The following DLG2 variants were observed in gnomAD, a reference collection of about 807,000 sequenced individuals.
DLG2 encodes the protein disks large homolog 2.
DLG2 carries 45 observed loss-of-function variants against 132.5 expected under a neutral mutation model. That is an observed-to-expected ratio of 0.34 (90% CI 0.27 to 0.44). DLG2 has a LOEUF of 0.44. Ranked by LOEUF, DLG2 falls within the 20% of genes least tolerant of loss-of-function variation. The pLI, the probability that DLG2 is intolerant of heterozygous loss-of-function variation, is 1.00. For synonymous variants in DLG2, 424 were observed against 419.6 expected (o/e 1.01, Z -0.13); for missense variants, 1,045 against 1,196.9 (o/e 0.87, Z 1.87).
intron 14 of DLG2, among the ~76,000 whole-genome samples, chr11:83,941,006 T>C (rs554653360): frequency 5.9e-5 from 9 of 152,352 alleles, no homozygotes; most frequent in Admixed American, 5.9e-4. Flanking sequence ...AATTCATTCA[T>C]GAGAGACGAT....
At chr11:83,536,789 T>G (rs1474367188) in intron 20 of DLG2, among the ~76,000 whole-genome samples, 1 of 152,188 alleles carries the variant, frequency 6.6e-6, no homozygotes, top group Non-Finnish European at 1.5e-5. Context: ...TTTACCTAAT[T>G]GTGAAAACAA....
rs17808549 is a variant in DLG2 at position 84,607,321 on chromosome 11, C to T, written c.358-72590G>A. 8.1e-3 allele frequency among the ~76,000 whole-genome samples: 1,229 copies of T among 152,206 alleles called. 53 individuals carry two copies. Among genetic ancestry groups the T allele is most frequent in the Admixed American group, 0.071 (1,083 of 15,252 alleles). ...CAAGTATACAGATAGAACTTATTTC[C>T]ACGAGGCTCCAAAGTCCTTTCTTCT... On this transcript the variant is annotated intron_variant, in intron 6 of 27. Transcript: ENST00000376104.
chr11:85,392,341 T>C (rs1053387074), intron 3 of DLG2, among the ~76,000 whole-genome samples: 4 of 151,966 alleles, frequency 2.6e-5, no homozygotes, highest in African/African-American at 7.3e-5. Flanking sequence ...AGAATCAATA[T>C]TGTGAAAATG....
At chr11:84,401,823 C>G (rs1318664239) in intron 7 of DLG2, among the ~76,000 whole-genome samples, 5 of 152,154 alleles carry the variant, frequency 3.3e-5, no homozygotes, top group Non-Finnish European at 5.9e-5. Flanking sequence ...GCTGGGACTA[C>G]AGGCGCCTGC....
At chr11:84,950,953 C>G (rs978239654) in intron 6 of DLG2, among the ~76,000 whole-genome samples, 3 of 152,132 alleles carry the variant, frequency 2.0e-5, no homozygotes, top group Non-Finnish European at 4.4e-5. Context: ...TACTTTAAAT[C>G]TATTTTTACT....
chr11:84,947,362 G>A (rs1190896505), intron 6 of DLG2, among the ~76,000 whole-genome samples: 4 of 152,116 alleles, frequency 2.6e-5, no homozygotes, highest in Non-Finnish European at 5.9e-5. Context: ...TGCAGTAACT[G>A]GCTCAAAATG....
chr11:85,104,534 G>A (rs1387916978), intron 6 of DLG2, among the ~76,000 whole-genome samples: 1 of 151,746 alleles, frequency 6.6e-6, no homozygotes, highest in East Asian at 1.9e-4. Flanking sequence ...GTAGATTAGT[G>A]GTTTGTAAGA....
At chr11:84,233,890 G>A (rs191837419) in intron 8 of DLG2, among the ~76,000 whole-genome samples, 9 of 152,274 alleles carry the variant, frequency 5.9e-5, no homozygotes, top group East Asian at 3.9e-4. Context: ...CAACAAGGCC[G>A]TTTCACCAGT....
At chr11:83,737,179 T>C (rs1185969627) in intron 18 of DLG2, among the ~76,000 whole-genome samples, 3 of 152,224 alleles carry the variant, frequency 2.0e-5, no homozygotes, top group Non-Finnish European at 4.4e-5. Flanking sequence ...CAGATGCTAC[T>C]GTGATGCTGC....
intron 19 of DLG2, among the ~76,000 whole-genome samples, chr11:83,625,679 A>G (rs2062399395): frequency 6.6e-6 from 1 of 152,166 alleles, no homozygotes. Flanking sequence ...CCTTACTTCA[A>G]GTTGTCTCAC....
chr11:85,435,836 AAG>A (rs1438652193), intron 3 of DLG2, among the ~76,000 whole-genome samples: 1 of 152,200 alleles, frequency 6.6e-6, no homozygotes, highest in Non-Finnish European at 1.5e-5. Flanking sequence ...GGAACCAAAA[AAG>A]AGCCCTCATG....
chr11:84,781,393 C>T (rs1327848225), intron 6 of DLG2, among the ~76,000 whole-genome samples: 1 of 151,938 alleles, frequency 6.6e-6, no homozygotes, highest in Non-Finnish European at 1.5e-5. Flanking sequence ...GTTATTTTAG[C>T]ACCACATAGG....
intron 6 of DLG2, among the ~76,000 whole-genome samples, chr11:84,721,618 T>C (rs1174538027): frequency 6.6e-6 from 1 of 150,416 alleles, no homozygotes; most frequent in Non-Finnish European, 1.5e-5. Context: ...CAAAAACAAA[T>C]GTGATAAGAA....
chr11:83,668,394 G>A (rs1285356983), intron 18 of DLG2, among the ~76,000 whole-genome samples: 1 of 152,146 alleles, frequency 6.6e-6, no homozygotes, highest in Non-Finnish European at 1.5e-5. Flanking sequence ...ACATCTTGCT[G>A]TTTCATAGCT....
intron 6 of DLG2, among the ~76,000 whole-genome samples, chr11:84,818,163 T>A (rs573153975): frequency 1.3e-5 from 2 of 152,166 alleles, no homozygotes; most frequent in South Asian, 4.1e-4. Flanking sequence ...CACTGCAGAA[T>A]TCAAACACTT....
intron 18 of DLG2, among the ~76,000 whole-genome samples, chr11:83,695,868 G>C (rs1391727991): frequency 1.3e-5 from 2 of 152,110 alleles, no homozygotes; most frequent in Admixed American, 6.6e-5. Context: ...ATTGGGACAG[G>C]CTCCACCGTG....
intron 6 of DLG2, among the ~76,000 whole-genome samples, chr11:84,812,742 T>C (rs1228031842): frequency 6.6e-6 from 1 of 152,168 alleles, no homozygotes. Context: ...TGGGTGGTTC[T>C]CTTTTAGCCT....
At chr11:83,642,528 G>C (rs190832827) in intron 18 of DLG2, among the ~76,000 whole-genome samples, 15 of 152,212 alleles carry the variant, frequency 9.9e-5, no homozygotes, top group Admixed American at 8.5e-4. Flanking sequence ...ATAACAATCT[G>C]AATCCCTAAC....
intron 9 of DLG2, among the ~76,000 whole-genome samples, chr11:84,102,436 A>G (rs997135439): frequency 2.6e-5 from 4 of 152,188 alleles, no homozygotes; most frequent in Admixed American, 6.5e-5. Flanking sequence ...ATAGAAATCC[A>G]CAATGTGTTA....
Sources: gnomAD v4.1 joint callset for allele counts (sites outside exome capture counted in the v4.1 genomes callset) on GRCh38, gnomAD v4.1.1 for gene constraint, MANE v1.5 for transcripts, NCBI Gene and HGNC (gene_info 2026-07-23, HGNC 2026-07-21) for gene names.